Variants in LUZP2 observed in about 807,000 individuals in gnomAD.
LUZP2 encodes the protein leucine zipper protein 2.
In LUZP2, 52 loss-of-function variants were observed where a neutral mutation model predicts 51.6. The ratio of observed to expected loss-of-function variants is 1.01; its 90% CI spans 0.81 to 1.27. The LOEUF is 1.27. LUZP2 is among the 50% of genes most tolerant of loss of function. The pLI is 0.00. For missense variants in LUZP2, 436 were observed against 395.4 expected, an observed-to-expected ratio of 1.10 and a Z score of -0.87; for synonymous variants, 154 against 137.3, an observed-to-expected ratio of 1.12 and a Z score of -0.85.
At chr11:24,902,465 T>G (rs937553944) in intron 5 of LUZP2, among the ~76,000 whole-genome samples, 1 of 152,286 alleles carries the variant, frequency 6.6e-6, no homozygotes, top group South Asian at 2.1e-4. Flanking sequence ...TAATCTTTTT[T>G]GGGGGAGTGG....
intron 5 of LUZP2, among the ~76,000 whole-genome samples, chr11:24,877,245 C>T (rs1038330163): frequency 2.6e-5 from 4 of 152,014 alleles, no homozygotes; most frequent in African/African-American, 9.7e-5. Flanking sequence ...AAAATTCCTG[C>T]AACTTTTCAA....
At chr11:25,055,543 A>G (rs1369011592) in intron 10 of LUZP2, among the ~76,000 whole-genome samples, 2 of 152,010 alleles carry the variant, frequency 1.3e-5, no homozygotes, top group Non-Finnish European at 2.9e-5. Flanking sequence ...GCTCTGAGTT[A>G]AAACTGTGAT....
chr11:24,613,899 T>C (rs12282061), intron 1 of LUZP2, among the ~76,000 whole-genome samples: 32,893 of 151,736 alleles, frequency 0.22, 4,301 homozygotes, highest in African/African-American at 0.37. Context: ...AAATATCCCA[T>C]GAAAACATTT....
At chr11:25,030,788 G>C (rs989249782) in intron 9 of LUZP2, among the ~76,000 whole-genome samples, 1 of 145,756 alleles carries the variant, frequency 6.9e-6, no homozygotes, top group African/African-American at 2.5e-5. Context: ...TGCTTTATAA[G>C]TATTATTTAC....
chr11:24,613,914 A>G (rs1294604369), intron 1 of LUZP2, among the ~76,000 whole-genome samples: 4 of 152,004 alleles, frequency 2.6e-5, no homozygotes, highest in Non-Finnish European at 5.9e-5. Flanking sequence ...ACATTTTATC[A>G]GTGAATTTAG....
intron 5 of LUZP2, chr11:24,786,528 T>C (rs966510551): frequency 2.7e-6 from 2 of 748,152 alleles, no homozygotes; most frequent in Admixed American, 1.3e-4. Flanking sequence ...TATTTGTATA[T>C]ACACAAATAT....
At chr11:24,746,888 T>G (rs1012927722) in intron 4 of LUZP2, among the ~76,000 whole-genome samples, 4 of 152,224 alleles carry the variant, frequency 2.6e-5, no homozygotes, top group Admixed American at 2.6e-4. Flanking sequence ...GTATGTCCAA[T>G]GTTTCCTGAA....
chr11:25,017,550 C>G (rs556382363), intron 9 of LUZP2, among the ~76,000 whole-genome samples: 1 of 151,984 alleles, frequency 6.6e-6, no homozygotes, highest in Non-Finnish European at 1.5e-5. Flanking sequence ...TATGCTTTGT[C>G]GAAGATTAGT....
chr11:25,026,387 C>A (rs1857492961), intron 9 of LUZP2, among the ~76,000 whole-genome samples: 1 of 151,994 alleles, frequency 6.6e-6, no homozygotes, highest in Non-Finnish European at 1.5e-5. Context: ...GAATGCTTAA[C>A]ATTTGGTATT....
intron 5 of LUZP2, among the ~76,000 whole-genome samples, chr11:24,769,311 G>A (rs533341271): frequency 9.9e-5 from 15 of 152,116 alleles, no homozygotes; most frequent in South Asian, 4.1e-4. Flanking sequence ...TAAGTTCTGC[G>A]TCTTATTGCA....
At chr11:24,805,941 T>A (rs1395782277) in intron 5 of LUZP2, among the ~76,000 whole-genome samples, 1 of 152,148 alleles carries the variant, frequency 6.6e-6, no homozygotes, top group Non-Finnish European at 1.5e-5. Flanking sequence ...ATTCCACATT[T>A]CTGTCCTGCA....
chr11:24,640,457 C>A (rs1176711262), intron 1 of LUZP2, among the ~76,000 whole-genome samples: 1 of 151,892 alleles, frequency 6.6e-6, no homozygotes, highest in Non-Finnish European at 1.5e-5. Context: ...TCTGACAAAT[C>A]TGATGGTTTG....
At chr11:24,772,362 G>C (rs1361061408) in intron 5 of LUZP2, among the ~76,000 whole-genome samples, 1 of 152,156 alleles carries the variant, frequency 6.6e-6, no homozygotes, top group Non-Finnish European at 1.5e-5. Context: ...TAACATGATA[G>C]AGTGCTTCAG....
chr11:24,621,649 G>T (rs1854498702), intron 1 of LUZP2, among the ~76,000 whole-genome samples: 1 of 152,150 alleles, frequency 6.6e-6, no homozygotes, highest in African/African-American at 2.4e-5. Context: ...GCTATTTTCT[G>T]TATCTATATT....
chr11:24,602,385 TATAC>T lies in LUZP2; in HGVS notation c.62+105082_62+105085del, dbSNP rs1340289099. ...TAAAGTGTGTGTGTGTATATATATA[TATAC>T]ACACACACACACACACACACACACA... On this transcript the variant is annotated intron_variant, in intron 1 of 11. Transcript: ENST00000336930. Among the ~76,000 whole-genome samples, 24 of 86,644 alleles carry T rather than the reference TATAC, an allele frequency of 2.8e-4. No homozygotes were observed. The East Asian group carries it at 7.3e-3, about 27-fold the overall frequency. 56.8% of individuals were successfully genotyped at this position (86,644 alleles called of 152,430 possible). A position where few individuals can be genotyped will look rare whatever the true frequency, so the allele number is the denominator to read the frequency against.
At chr11:24,996,571 TTTTTTA>T (rs1214869802) in intron 9 of LUZP2, among the ~76,000 whole-genome samples, 68 of 145,210 alleles carry the variant, frequency 4.7e-4, no homozygotes, top group African/African-American at 1.6e-3. Flanking sequence ...TCTTTTTTCT[TTTTTTA>T]TTTTATTTTA....
intron 9 of LUZP2, among the ~76,000 whole-genome samples, chr11:25,000,900 T>C (rs1228977203): frequency 4.3e-5 from 6 of 138,450 alleles, no homozygotes; most frequent in Admixed American, 7.5e-5. Context: ...TTGCAAACAG[T>C]CTGAGAAATC....
chr11:24,602,298 A>G (rs1211785928), intron 1 of LUZP2, among the ~76,000 whole-genome samples: 2 of 128,018 alleles, frequency 1.6e-5, no homozygotes, highest in Non-Finnish European at 3.4e-5. Flanking sequence ...ATATATGTAC[A>G]TACATATATA....
At chr11:24,963,524 G>A (rs1282018365) in intron 7 of LUZP2, among the ~76,000 whole-genome samples, 9 of 152,192 alleles carry the variant, frequency 5.9e-5, no homozygotes, top group Admixed American at 2.6e-4. Flanking sequence ...TCAGACTGCT[G>A]TGCTAGCAAC....
Sources: gnomAD v4.1 joint callset for allele counts (sites outside exome capture counted in the v4.1 genomes callset) on GRCh38, gnomAD v4.1.1 for gene constraint, MANE v1.5 for transcripts, NCBI Gene and HGNC (gene_info 2026-07-23, HGNC 2026-07-21) for gene names.